Variants in SLC25A21 observed in about 807,000 individuals in gnomAD.
The protein encoded by SLC25A21 is solute carrier family 25 member 21.
SLC25A21 carries 47 observed loss-of-function variants against 43.8 expected under a neutral mutation model. The ratio of observed to expected loss-of-function variants is 1.07; its 90% CI spans 0.85 to 1.37. The LOEUF is 1.37. Ranked by LOEUF, SLC25A21 falls within the 40% of genes most tolerant of loss-of-function variation. The pLI is 0.00. For synonymous variants in SLC25A21, 131 were observed against 121.3 expected (o/e 1.08, Z -0.52); for missense variants, 352 against 350.2 (o/e 1.00, Z -0.04).
intron 1 of SLC25A21, among the ~76,000 whole-genome samples, chr14:37,015,043 T>C (rs1484071419): frequency 1.3e-5 from 2 of 151,734 alleles, no homozygotes; most frequent in African/African-American, 4.8e-5. Flanking sequence ...TAATTCTTTA[T>C]TATTATTATT....
chr14:36,798,609 G>A (rs577807415), intron 3 of SLC25A21, among the ~76,000 whole-genome samples: 1 of 151,672 alleles, frequency 6.6e-6, no homozygotes, highest in Non-Finnish European at 1.5e-5. Flanking sequence ...GTGTACACAT[G>A]GGCAGTCACT....
intron 5 of SLC25A21, among the ~76,000 whole-genome samples, chr14:36,728,406 T>A (rs1884684102): frequency 6.6e-6 from 1 of 152,156 alleles, no homozygotes; most frequent in Non-Finnish European, 1.5e-5. Flanking sequence ...CTAGGAAATT[T>A]TTAATCCTCT....
At position 37,070,851 on chromosome 14, in the gene SLC25A21, C is replaced by A. The variant is rs74558752; in HGVS notation, c.70+101430G>T. Among the ~76,000 whole-genome samples, 1,279 of 152,236 alleles carry A rather than the reference C, an allele frequency of 8.4e-3. 20 individuals carry two copies. The highest frequency in any genetic ancestry group is 0.029 in the African/African-American group (1,211 of 41,538). Reference sequence around the variant, plus strand: ...GGTGCTTGTCAGTGAAGATAGGGTGCAGAGGTGAGAAGCGCTCTGCCCCTG... The same window carrying A: ...GGTGCTTGTCAGTGAAGATAGGGTGAAGAGGTGAGAAGCGCTCTGCCCCTG... On this transcript the variant is annotated intron_variant, in intron 1 of 9. Transcript: ENST00000331299.
chr14:36,748,882 A>G (rs1367108994), intron 3 of SLC25A21, among the ~76,000 whole-genome samples: 2 of 152,176 alleles, frequency 1.3e-5, no homozygotes, highest in Non-Finnish European at 2.9e-5. Flanking sequence ...CTCCACCCAC[A>G]ATATTCTCCA....
At chr14:36,888,038 G>A (rs779857436) in intron 1 of SLC25A21, among the ~76,000 whole-genome samples, 2 of 152,062 alleles carry the variant, frequency 1.3e-5, no homozygotes, top group Non-Finnish European at 2.9e-5. Context: ...GGCCATGGTG[G>A]GAGTATTTAC....
intron 7 of SLC25A21, among the ~76,000 whole-genome samples, chr14:36,695,177 C>G (rs758456857): frequency 6.6e-6 from 1 of 152,120 alleles, no homozygotes; most frequent in Non-Finnish European, 1.5e-5. Context: ...AATCCTTTCC[C>G]CATTTCTTGT....
intron 2 of SLC25A21, among the ~76,000 whole-genome samples, chr14:36,867,790 C>CGTGTGTGT (rs10606711): frequency 3.5e-4 from 51 of 146,228 alleles, no homozygotes; most frequent in African/African-American, 1.2e-3. Context: ...ACCATGCTTT[C>CGTGTGTGT]GTGTGTGTGT....
rs1412939779 is a variant in SLC25A21, at chr14:36,857,550, A to G, written c.119+17406T>C. 3.9e-5 allele frequency among the ~76,000 whole-genome samples: 6 copies of G among 152,362 alleles called. No individual in the cohort carries two copies. In the East Asian group the frequency reaches 9.6e-4, roughly 24 times the overall value. The stretch of plus-strand genomic sequence containing the variant: ...AGGCTTTTGAGAATCATGACTTATC[A>G]CTAAATGACCAGTGAACAAAATGGT... On this transcript the variant is annotated intron_variant, in intron 2 of 9. Coordinates refer to ENST00000331299, the MANE Select transcript of SLC25A21 (RefSeq NM_030631.4).
At chr14:37,133,143 GCACACA>G (rs33962615) in intron 1 of SLC25A21, among the ~76,000 whole-genome samples, 59 of 148,078 alleles carry the variant, frequency 4.0e-4, no homozygotes, top group African/African-American at 1.1e-3. Context: ...GTGCACTCGT[GCACACA>G]CACACACACA....
chr14:37,097,839 G>A (rs12884173), intron 1 of SLC25A21: 121,135 of 151,326 alleles, frequency 0.8, 51,259 homozygotes, highest in South Asian at 0.95. Flanking sequence ...AGCCGAGATC[G>A]CACCATCGCA....
At chr14:36,732,419 T>A (rs1271393911) in intron 4 of SLC25A21, among the ~76,000 whole-genome samples, 1 of 152,170 alleles carries the variant, frequency 6.6e-6, no homozygotes, top group East Asian at 1.9e-4. Context: ...GCCGCCCATC[T>A]GTGAGGGATC....
intron 3 of SLC25A21, among the ~76,000 whole-genome samples, chr14:36,771,821 A>G (rs1028998628): frequency 1.3e-5 from 2 of 152,136 alleles, no homozygotes; most frequent in Non-Finnish European, 2.9e-5. Context: ...AATATTAATA[A>G]GGAATAGCCC....
At chr14:37,162,586 A>G (rs1354946887) in intron 1 of SLC25A21, among the ~76,000 whole-genome samples, 1 of 152,220 alleles carries the variant, frequency 6.6e-6, no homozygotes, top group Non-Finnish European at 1.5e-5. Flanking sequence ...CAAAACCACA[A>G]TGAGATACCA....
At chr14:36,834,668 A>T (rs185162336) in intron 2 of SLC25A21, among the ~76,000 whole-genome samples, 2 of 152,306 alleles carry the variant, frequency 1.3e-5, no homozygotes, top group African/African-American at 4.8e-5. Flanking sequence ...GTCTTGTGAA[A>T]CAGGAAAAGG....
At chr14:37,062,228 C>A (rs1392864258) in intron 1 of SLC25A21, among the ~76,000 whole-genome samples, 1 of 152,110 alleles carries the variant, frequency 6.6e-6, no homozygotes, top group Admixed American at 6.5e-5. Flanking sequence ...TGATTTAAAC[C>A]AAATTCTACA....
At chr14:37,119,581 AG>A (rs1566894721) in intron 1 of SLC25A21, among the ~76,000 whole-genome samples, 1 of 151,764 alleles carries the variant, frequency 6.6e-6, no homozygotes, top group Non-Finnish European at 1.5e-5. Context: ...AAAAAAGAAA[AG>A]AAAAGAACTA....
At chr14:36,911,740 C>T (rs1891691759) in intron 1 of SLC25A21, among the ~76,000 whole-genome samples, 1 of 152,004 alleles carries the variant, frequency 6.6e-6, no homozygotes, top group Non-Finnish European at 1.5e-5. Flanking sequence ...CATGAAACAC[C>T]CCATCAAGAC....
chr14:37,081,888 T>C (rs8010025), intron 1 of SLC25A21, among the ~76,000 whole-genome samples: 20,565 of 152,162 alleles, frequency 0.14, 4,550 homozygotes, highest in African/African-American at 0.46. Flanking sequence ...TAAGTTGTCT[T>C]AGTAACAAGC....
intron 8 of SLC25A21, among the ~76,000 whole-genome samples, chr14:36,684,392 G>T (rs776854471): frequency 2.0e-5 from 3 of 152,152 alleles, no homozygotes; most frequent in Non-Finnish European, 4.4e-5. Context: ...TCTCCCAGAA[G>T]AATATAATTA....
Sources: gnomAD v4.1 joint callset for allele counts (sites outside exome capture counted in the v4.1 genomes callset) on GRCh38, gnomAD v4.1.1 for gene constraint, MANE v1.5 for transcripts, NCBI Gene and HGNC (gene_info 2026-07-23, HGNC 2026-07-21) for gene names.